Variants in GBF1 observed in about 807,000 individuals in gnomAD.
GBF1 encodes the protein golgi brefeldin A resistant guanine nucleotide exchange factor 1, also known as Golgi-specific brefeldin A-resistance guanine nucleotide exchange factor 1.
Under a neutral mutation model 210.5 loss-of-function variants are expected in GBF1, and 114 were observed. That is an observed-to-expected ratio of 0.54 (90% CI 0.47 to 0.63). The LOEUF is 0.63. Among genes scored for constraint, GBF1 ranks in the 30% least tolerant of loss-of-function variants. The pLI is 0.00. For synonymous variants in GBF1, 850 were observed against 889.2 expected, an observed-to-expected ratio of 0.96 and a Z score of 0.78; for missense variants, 1,851 against 2,357.7, an observed-to-expected ratio of 0.79 and a Z score of 4.45.
At chr10:102,357,111 C>T (rs2059335981) in intron 8 of GBF1, among the ~76,000 whole-genome samples, 1 of 152,090 alleles carries the variant, frequency 6.6e-6, no homozygotes, top group Admixed American at 6.6e-5. Flanking sequence ...TCCTGAACTC[C>T]ACAAAGAAAC....
intron 14 of GBF1, 143 bp downstream of exon 14, chr10:102,362,055 T>A (rs555837013): frequency 5.8e-6 from 2 of 346,062 alleles, no homozygotes; most frequent in African/African-American, 2.5e-5. Context: ...CTTTTCTTTT[T>A]TTTTTTTTTT....
intron 3 of GBF1, among the ~76,000 whole-genome samples, chr10:102,337,251 G>A (rs935796656): frequency 1.4e-5 from 2 of 143,666 alleles, no homozygotes; most frequent in African/African-American, 2.6e-5. Flanking sequence ...GGTGGTGGGC[G>A]CCTGTAGTCC....
upstream of GBF1, among the ~76,000 whole-genome samples, chr10:102,240,529 G>A (rs1213159319): frequency 6.6e-6 from 1 of 152,228 alleles, no homozygotes; most frequent in African/African-American, 2.4e-5. Context: ...CGCAGCAGCT[G>A]GGCAGGCGCT....
Position 102,343,733 on chromosome 10 carries a change from C to T in GBF1, c.164-318C>T, listed in dbSNP as rs1034551045. ...CTGAGGAGGCTGAGGGGCTTGAGCC[C>T]TGGAGGTGGAGGTTTGCAGTGAGCT... On this transcript the variant is annotated intron_variant, in intron 3 of 39. Transcript: ENST00000369983. Among the ~76,000 whole-genome samples the T allele has an allele frequency of 7.3e-5, 11 of 150,248 alleles. No homozygotes were observed. In the Admixed American group the frequency reaches 7.3e-4, roughly 10 times the overall value.
In GBF1 at chr10:102,287,357, T is replaced by C. The variant is rs1236914282; in HGVS notation, c.163+27241T>C. On this transcript the variant is annotated intron_variant, in intron 3 of 39. Coordinates refer to ENST00000369983, the MANE Select transcript of GBF1 (RefSeq NM_001377137.1). Reference sequence around the variant, plus strand: ...TTATTTTATTTTCTTTTTTTTTTTTTTTTTTTTTTTTTTTGAGATGAGGTC... The same window carrying C: ...TTATTTTATTTTCTTTTTTTTTTTTCTTTTTTTTTTTTTTGAGATGAGGTC... Among the ~76,000 whole-genome samples, 22 of 136,228 alleles carry C rather than the reference T, an allele frequency of 1.6e-4. No homozygotes were observed. The East Asian group carries it at 2.3e-3, about 14-fold the overall frequency. The allele number at this position is 136,228 out of a possible 152,430, so 89.4% of individuals were successfully genotyped here. A position where few individuals can be genotyped will look rare whatever the true frequency, so the allele number is the denominator to read the frequency against.
intron 3 of GBF1, among the ~76,000 whole-genome samples, chr10:102,273,655 G>T (rs2074648407): frequency 1.3e-5 from 2 of 152,324 alleles, no homozygotes; most frequent in Non-Finnish European, 2.9e-5. Flanking sequence ...ACTCTGTGAG[G>T]CACCTTAGCC....
intron 3 of GBF1, among the ~76,000 whole-genome samples, chr10:102,343,674 C>T (rs551208218): frequency 1.4e-4 from 21 of 151,704 alleles, no homozygotes; most frequent in African/African-American, 4.1e-4. Flanking sequence ...CAAAATTAGC[C>T]GGGCATGGTG....
At chr10:102,286,202 T>TTG (rs1554951963) in intron 3 of GBF1, among the ~76,000 whole-genome samples, 1 of 144,976 alleles carries the variant, frequency 6.9e-6, no homozygotes, top group Non-Finnish European at 1.5e-5. Context: ...GGGTTTTTTT[T>TTG]TTTTTTTTTT....
Position 102,348,410 on chromosome 10 carries a change from C to A in GBF1, c.296-2846C>A, listed in dbSNP as rs538758933. 2.6e-5 allele frequency among the ~76,000 whole-genome samples: 4 copies of A among 152,264 alleles called. No homozygotes were observed. The South Asian group carries it at 8.3e-4, about 32-fold the overall frequency. On this transcript the variant is annotated intron_variant, in intron 4 of 39. Coordinates refer to ENST00000369983, the MANE Select transcript of GBF1 (RefSeq NM_001377137.1). ...AGTAATAATTTAAAAGACACCTTAA[C>A]AAGAGAGATTACTGAAAGAGAGGAA...
At chr10:102,310,669 C>A (rs956023729) in intron 3 of GBF1, among the ~76,000 whole-genome samples, 3 of 152,174 alleles carry the variant, frequency 2.0e-5, no homozygotes, top group Non-Finnish European at 4.4e-5. Flanking sequence ...TTATCACCCC[C>A]AAGCCACATT....
intron 3 of GBF1, among the ~76,000 whole-genome samples, chr10:102,336,693 A>G (rs1405066717): frequency 1.3e-5 from 2 of 152,226 alleles, no homozygotes; most frequent in African/African-American, 4.8e-5. Flanking sequence ...GATTCTACCT[A>G]GAGCCCTTAG....
Position 102,380,308 on chromosome 10 carries a change from C to T in GBF1, c.4938C>T (p.Leu1646=). The change falls in exon 37 of 40, where the codon CTC becomes CTT. Residue 1646 remains leucine (L), a synonymous_variant. Transcript: ENST00000369983. The part of the protein sequence containing the change: ...LSLSTFAALW[L]TILDFMDKYM... The stretch of plus-strand genomic sequence containing the variant: ...TCTCTACCTTTGCGGCCCTCTGGCT[C>T]ACCATCTTGGACTTCATGGACAAGT... 6.2e-7 allele frequency: 1 copy of T among 1,613,986 alleles called. No individual in the cohort carries two copies. The highest frequency in any genetic ancestry group is 1.1e-5 in the South Asian group (1 of 91,072).
chr10:102,240,639 C>T (rs1321667597), upstream of GBF1, among the ~76,000 whole-genome samples: 1 of 152,232 alleles, frequency 6.6e-6, no homozygotes, highest in South Asian at 2.1e-4. Context: ...CCCGGACATT[C>T]TGTCCGCTCC....
At chr10:102,381,037 TG>T in intron 38 of GBF1, 89 bp from the exon 39 acceptor site, 1 of 1,259,504 alleles carries the variant, frequency 7.9e-7, no homozygotes, top group Non-Finnish European at 1.1e-6. Context: ...GTCTGTGCCC[TG>T]GGTGGGTAGA....
chr10:102,365,227 T>TG (rs1426462967), intron 17 of GBF1, among the ~76,000 whole-genome samples, 170 bp from the exon 18 acceptor site: 1 of 152,082 alleles, frequency 6.6e-6, no homozygotes, highest in East Asian at 1.9e-4. Flanking sequence ...GACATGAAGA[T>TG]GGGGGAAGCT....
intron 3 of GBF1, among the ~76,000 whole-genome samples, chr10:102,327,944 T>C (rs1413440954): frequency 1.3e-5 from 2 of 152,220 alleles, no homozygotes; most frequent in Admixed American, 1.3e-4. Context: ...GATTCAGCTG[T>C]CTTAAAGGTT....
At chr10:102,233,704 A>G in the GBF1 span, among the ~76,000 whole-genome samples, 2 of 152,194 alleles carry the variant, frequency 1.3e-5, no homozygotes, top group African/African-American at 2.4e-5. Context: ...GCCTGGTCTC[A>G]TGCCTGCACC....
chr10:102,361,876 C>T lies in GBF1; in HGVS notation c.1650C>T (p.Ser550=). 1 of 1,610,846 alleles carries T rather than the reference C, an allele frequency of 6.2e-7. No homozygotes were observed. The change falls in exon 14 of 40, where the codon TCC becomes TCT. Residue 550 remains serine, a synonymous_variant. Coordinates refer to ENST00000369983, the MANE Select transcript of GBF1 (RefSeq NM_001377137.1). The part of the protein sequence containing the change: ...YINYDCDYYC[S]NLFEELTKLL... The stretch of plus-strand genomic sequence containing the variant: ...ACTATGATTGTGACTACTACTGTTC[C>T]AACCTCTTTGAGGAACTCACAAAGC...
At chr10:102,359,721 C>T (rs1476194982) in intron 11 of GBF1, among the ~76,000 whole-genome samples, 1 of 151,394 alleles carries the variant, frequency 6.6e-6, no homozygotes, top group African/African-American at 2.4e-5. Flanking sequence ...ATTCTGATTT[C>T]CTCCAGAAGT....
Sources: allele counts gnomAD v4.1 joint callset (sites outside exome capture counted in the v4.1 genomes callset), GRCh38; gene constraint gnomAD v4.1.1; transcripts MANE v1.5; gene names NCBI Gene and HGNC (gene_info 2026-07-23, HGNC 2026-07-21).